NXPE2: variants seen among roughly 807,000 people sequenced by gnomAD.
The protein encoded by NXPE2 is NXPE family member 2.
In NXPE2, 34 loss-of-function variants were observed where a neutral mutation model predicts 34.4. The ratio of observed to expected loss-of-function variants is 0.99; its 90% CI spans 0.75 to 1.31. The LOEUF is 1.31. Ranked by LOEUF, NXPE2 falls within the 40% of genes most tolerant of loss-of-function variation. NXPE2 has a pLI of 0.00. For missense variants in NXPE2, 649 were observed against 672.5 expected (o/e 0.97, Z 0.39); for synonymous variants, 235 against 231.3 (o/e 1.02, Z -0.15).
the NXPE2 span, among the ~76,000 whole-genome samples, chr11:114,632,171 TA>T: frequency 1.8e-4 from 26 of 141,162 alleles, 1 homozygote; most frequent in Non-Finnish European, 3.7e-4. Context: ...ATTTATCATA[TA>T]ATATATAATA....
the NXPE2 span, among the ~76,000 whole-genome samples, chr11:114,756,720 T>C: frequency 6.6e-6 from 1 of 152,226 alleles, no homozygotes; most frequent in African/African-American, 2.4e-5. Context: ...TACCTTAAAG[T>C]AATAATAGGT....
At chr11:114,760,211 T>C in the NXPE2 span, among the ~76,000 whole-genome samples, 1 of 152,182 alleles carries the variant, frequency 6.6e-6, no homozygotes, top group African/African-American at 2.4e-5. Flanking sequence ...CCCTCATAAA[T>C]GGGATTAGTG....
chr11:114,627,063 G>A, the NXPE2 span, among the ~76,000 whole-genome samples: 51 of 152,054 alleles, frequency 3.4e-4, no homozygotes, highest in African/African-American at 1.1e-3. Context: ...TGAAAGTGAC[G>A]GGGTGAATGG....
chr11:114,507,247 CAAAA>C, the NXPE2 span, among the ~76,000 whole-genome samples: 3 of 91,398 alleles, frequency 3.3e-5, no homozygotes, highest in African/African-American at 3.8e-5. Flanking sequence ...GCCAACCAAC[CAAAA>C]AAAAAAAAAA....
At chr11:114,496,421 C>G in the NXPE2 span, among the ~76,000 whole-genome samples, 1 of 152,108 alleles carries the variant, frequency 6.6e-6, no homozygotes, top group Non-Finnish European at 1.5e-5. Context: ...GTCTTTCCTA[C>G]CCTCTTCAGT....
the NXPE2 span, among the ~76,000 whole-genome samples, chr11:114,464,803 A>G: frequency 6.6e-6 from 1 of 152,162 alleles, no homozygotes; most frequent in Non-Finnish European, 1.5e-5. Context: ...TGCAAATTAT[A>G]TAATTGACAA....
At chr11:114,676,932 TA>T (rs1234238796), upstream of NXPE2, among the ~76,000 whole-genome samples, 1 of 151,948 alleles carries the variant, frequency 6.6e-6, no homozygotes, top group African/African-American at 2.4e-5. Context: ...TGCTCAGCCT[TA>T]AAAAAGAAGG....
chr11:114,581,595 G>T, the NXPE2 span: 440 of 727,294 alleles, frequency 6.0e-4, 7 homozygotes, highest in East Asian at 0.012. Flanking sequence ...TGGTGTCTTG[G>T]CCAACCTTAG....
chr11:114,811,817 C>T, the NXPE2 span, among the ~76,000 whole-genome samples: 1 of 152,172 alleles, frequency 6.6e-6, no homozygotes. Context: ...GGGTTGCATC[C>T]TTAGCTCTGT....
chr11:114,626,518 C>T, the NXPE2 span, among the ~76,000 whole-genome samples: 1 of 152,214 alleles, frequency 6.6e-6, no homozygotes, highest in East Asian at 1.9e-4. Context: ...AAAAACCCAT[C>T]TGTACATCAC....
At chr11:114,527,915 A>AT in the NXPE2 span, 5 of 1,531,590 alleles carry the variant, frequency 3.3e-6, no homozygotes, top group East Asian at 4.5e-5. Flanking sequence ...CAAAAAAAAA[A>AT]TAGAACAATA....
At chr11:114,764,503 T>C in the NXPE2 span, among the ~76,000 whole-genome samples, 3 of 152,012 alleles carry the variant, frequency 2.0e-5, no homozygotes, top group Non-Finnish European at 4.4e-5. Context: ...ATAAAGCAAA[T>C]GTGGCAAAAT....
At chr11:114,714,647 T>C in the NXPE2 span, among the ~76,000 whole-genome samples, 1 of 152,220 alleles carries the variant, frequency 6.6e-6, no homozygotes, top group Non-Finnish European at 1.5e-5. Flanking sequence ...TCTTTACATG[T>C]GGCAGCTGAA....
At chr11:114,589,972 T>A in the NXPE2 span, among the ~76,000 whole-genome samples, 1 of 152,228 alleles carries the variant, frequency 6.6e-6, no homozygotes. Context: ...GTTTACAGTC[T>A]TAGATTTAAA....
the NXPE2 span, among the ~76,000 whole-genome samples, chr11:114,721,603 G>T: frequency 6.6e-6 from 1 of 152,156 alleles, no homozygotes; most frequent in African/African-American, 2.4e-5. Context: ...AAATACAGAG[G>T]AAAGAGATGG....
rs991350912 is a variant in NXPE2 at position 114,706,385 on chromosome 11, C to T, written c.1145-10C>T. On this transcript the variant is annotated splice_polypyrimidine_tract_variant and intron_variant, in intron 5 of 5. Coordinates refer to ENST00000389586, the MANE Select transcript of NXPE2 (RefSeq NM_182495.6). ...TTTGTTAAAATATTTATTGATTTGT[C>T]TTTCATCAGCCCTAAAATATTTTGA... 1.3e-6 allele frequency: 2 copies of T among 1,507,418 alleles called. No individual in the cohort carries two copies. The highest frequency in any genetic ancestry group is 2.8e-5 in the African/African-American group (2 of 70,830). 93.4% of individuals were successfully genotyped at this position (1,507,418 alleles called of 1,614,324 possible).
At chr11:114,582,621 C>G in the NXPE2 span, 1 of 1,614,152 alleles carries the variant, frequency 6.2e-7, no homozygotes, top group Non-Finnish European at 8.5e-7. Flanking sequence ...CAGAGTGAAG[C>G]TGACCAGGTA....
At chr11:114,629,383 T>C in the NXPE2 span, among the ~76,000 whole-genome samples, 1 of 151,568 alleles carries the variant, frequency 6.6e-6, no homozygotes, top group African/African-American at 2.4e-5. Flanking sequence ...AATCAATAAA[T>C]GTAATCCAGC....
At chr11:114,567,503 A>G in the NXPE2 span, among the ~76,000 whole-genome samples, 65 of 152,014 alleles carry the variant, frequency 4.3e-4, no homozygotes, top group African/African-American at 1.5e-3. Context: ...ACCTTCTTTC[A>G]AGTTTTTTTT....
Sources: allele counts gnomAD v4.1 joint callset (sites outside exome capture counted in the v4.1 genomes callset), GRCh38; gene constraint gnomAD v4.1.1; transcripts MANE v1.5; gene names NCBI Gene and HGNC (gene_info 2026-07-23, HGNC 2026-07-21).